Variants in OSBPL10 observed in about 807,000 individuals in gnomAD.
The protein encoded by OSBPL10 is oxysterol binding protein like 10, also known as oxysterol-binding protein-related protein 10.
Under a neutral mutation model 81.7 loss-of-function variants are expected in OSBPL10, and 49 were observed. The ratio of observed to expected loss-of-function variants is 0.60; its 90% confidence interval spans 0.48 to 0.76. The LOEUF (loss-of-function observed/expected upper bound fraction) is 0.76. Ranked by LOEUF, OSBPL10 falls within the 30% of genes least tolerant of loss-of-function variation. The pLI, the probability that OSBPL10 is intolerant of heterozygous loss-of-function variation, is 0.00. For synonymous variants in OSBPL10, 419 were observed against 383.6 expected (o/e 1.09, Z -1.08); for missense variants, 923 against 987.8 (o/e 0.93, Z 0.88).
At chr3:31,949,669 A>C (rs1366927352) in intron 1 of OSBPL10, among the ~76,000 whole-genome samples, 1 of 47,184 alleles carries the variant, frequency 2.1e-5, no homozygotes, top group East Asian at 6.3e-4. Context: ...CTCTGTCTCA[A>C]AAAAAAAAAA....
chr3:31,983,598 C>T (rs929936929), upstream of OSBPL10, among the ~76,000 whole-genome samples: 2 of 152,158 alleles, frequency 1.3e-5, no homozygotes, highest in African/African-American at 4.8e-5. Flanking sequence ...AAAGTAGAGG[C>T]TATATCATGA....
At chr3:31,748,198 A>C (rs1400480510) in intron 4 of OSBPL10, 78 bp from the exon 5 acceptor site, 1 of 1,297,242 alleles carries the variant, frequency 7.7e-7, no homozygotes, top group Non-Finnish European at 1.1e-6. Context: ...GATAAACCAC[A>C]GAAGTGGGTA....
At chr3:31,702,832 C>A (rs767851529) in intron 6 of OSBPL10, among the ~76,000 whole-genome samples, 64 of 152,180 alleles carry the variant, frequency 4.2e-4, no homozygotes, top group Non-Finnish European at 8.1e-4. Flanking sequence ...TGCCTATTAG[C>A]AAGTAGGAGT....
At chr3:31,973,554 A>G (rs778721447) in intron 1 of OSBPL10, among the ~76,000 whole-genome samples, 17 of 152,184 alleles carry the variant, frequency 1.1e-4, no homozygotes, top group Non-Finnish European at 1.6e-4. Context: ...TAACTTGCCC[A>G]AGGTCATTTG....
At chr3:32,009,378 TC>T (rs1267255615) in intron 2 of OSBPL10, among the ~76,000 whole-genome samples, 1 of 152,210 alleles carries the variant, frequency 6.6e-6, no homozygotes, top group African/African-American at 2.4e-5. Context: ...AGTCTTCAAA[TC>T]CATGTCCACA....
chr3:31,933,360 G>C (rs1697300967), intron 1 of OSBPL10, among the ~76,000 whole-genome samples: 1 of 152,064 alleles, frequency 6.6e-6, no homozygotes, highest in Admixed American at 6.6e-5. Flanking sequence ...TTATATTCTA[G>C]AGATTTGAAG....
rs145097507 is a variant in OSBPL10, at chr3:31,740,857, T to TTATATATA, written c.940+7045_940+7052dup. 1.2e-3 allele frequency among the ~76,000 whole-genome samples: 168 copies of TTATATATA among 136,430 alleles called. 15 individuals are homozygous for TTATATATA. Among genetic ancestry groups the TTATATATA allele is most frequent in the African/African-American group, 5.2e-3 (154 of 29,802 alleles). The allele number at this position is 136,430 out of a possible 152,430, so 89.5% of individuals were successfully genotyped here. ...AACTTAATATGACCACTACTAGAAT[T>TTATATATA]TATATATATATGTCATATTTCTTCC... is the stretch of plus-strand genomic sequence containing the variant. On this transcript the variant is annotated intron_variant, in intron 5 of 11. Coordinates refer to ENST00000396556, the MANE Select transcript of OSBPL10 (RefSeq NM_017784.5).
chr3:31,754,676 T>C (rs189282054), intron 4 of OSBPL10, among the ~76,000 whole-genome samples: 1 of 152,258 alleles, frequency 6.6e-6, no homozygotes. Context: ...CACTTTAGGT[T>C]TTGCAGACCG....
At chr3:31,745,700 T>C (rs1302076002) in intron 5 of OSBPL10, among the ~76,000 whole-genome samples, 3 of 152,176 alleles carry the variant, frequency 2.0e-5, no homozygotes. Context: ...AGTTGTTTAA[T>C]TGTTTTGTGT....
intron 4 of OSBPL10, among the ~76,000 whole-genome samples, chr3:31,776,086 T>C (rs1698541395): frequency 6.6e-6 from 1 of 152,050 alleles, no homozygotes; most frequent in African/African-American, 2.4e-5. Flanking sequence ...CACCTTCTGA[T>C]TAAAGAGCAT....
chr3:31,951,804 T>C (rs1423504559), intron 1 of OSBPL10, among the ~76,000 whole-genome samples: 1 of 152,026 alleles, frequency 6.6e-6, no homozygotes, highest in African/African-American at 2.4e-5. Flanking sequence ...AAAGGTAGGA[T>C]AACTTTACAC....
At chr3:31,774,366 A>G (rs1698483686) in intron 4 of OSBPL10, among the ~76,000 whole-genome samples, 1 of 152,176 alleles carries the variant, frequency 6.6e-6, no homozygotes, top group Non-Finnish European at 1.5e-5. Flanking sequence ...AGATGGGAGA[A>G]TTGCCACAAC....
intron 4 of OSBPL10, among the ~76,000 whole-genome samples, chr3:31,784,205 C>CA (rs993982389): frequency 6.6e-5 from 10 of 151,364 alleles, no homozygotes; most frequent in Non-Finnish European, 1.3e-4. Flanking sequence ...CAAAACAAAA[C>CA]AAAAAAACTA....
chr3:31,841,087 T>C (rs1421475196), intron 3 of OSBPL10, among the ~76,000 whole-genome samples: 2 of 152,206 alleles, frequency 1.3e-5, no homozygotes, highest in East Asian at 3.8e-4. Context: ...TTTGTATTTT[T>C]AGTAGAGACG....
chr3:31,833,737 A>ACTCTCT (rs1553631718), intron 3 of OSBPL10, among the ~76,000 whole-genome samples: 18 of 139,856 alleles, frequency 1.3e-4, no homozygotes, highest in African/African-American at 3.6e-4. Context: ...ACACACACAC[A>ACTCTCT]CTCTCTCTCT....
chr3:31,921,625 A>T (rs2125706915), intron 1 of OSBPL10, among the ~76,000 whole-genome samples: 1 of 152,364 alleles, frequency 6.6e-6, no homozygotes, highest in South Asian at 2.1e-4. Flanking sequence ...AAGTTACTCA[A>T]TAAATGGAGA....
intron 4 of OSBPL10, among the ~76,000 whole-genome samples, chr3:31,770,162 T>C (rs1010047953): frequency 6.6e-6 from 1 of 152,084 alleles, no homozygotes; most frequent in Non-Finnish European, 1.5e-5. Context: ...AGAGAAAAGG[T>C]GCAGGGAGCA....
chr3:31,828,863 CT>C (rs926601220), intron 4 of OSBPL10, among the ~76,000 whole-genome samples: 22 of 152,172 alleles, frequency 1.4e-4, no homozygotes, highest in African/African-American at 4.8e-4. Context: ...ATCAGGGTGA[CT>C]ATTTCAAAGT....
At chr3:31,863,747 T>A (rs1701111071) in intron 3 of OSBPL10, among the ~76,000 whole-genome samples, 1 of 152,232 alleles carries the variant, frequency 6.6e-6, no homozygotes, top group Non-Finnish European at 1.5e-5. Flanking sequence ...ATTTTGCTTG[T>A]TACTCATGAC....
Sources: gnomAD v4.1 joint callset for allele counts (sites outside exome capture counted in the v4.1 genomes callset) on GRCh38, gnomAD v4.1.1 for gene constraint, MANE v1.5 for transcripts, NCBI Gene and HGNC (gene_info 2026-07-23, HGNC 2026-07-21) for gene names.